Variants in SLC35F4 observed in about 807,000 individuals in gnomAD.
SLC35F4 encodes solute carrier family 35 member F4, also known as chromosome 14 open reading frame 36.
In SLC35F4, 24 loss-of-function variants were observed where a neutral mutation model predicts 44.2. That is an observed-to-expected ratio of 0.54 (90% CI 0.39 to 0.76). SLC35F4 has a LOEUF of 0.76. Ranked by LOEUF, SLC35F4 falls within the 30% of genes least tolerant of loss-of-function variation. SLC35F4 has a pLI of 0.00. For missense variants in SLC35F4, 562 were observed against 586.1 expected, an observed-to-expected ratio of 0.96 and a Z score of 0.42; for synonymous variants, 238 against 223.6, an observed-to-expected ratio of 1.06 and a Z score of -0.57.
At chr14:57,623,481 C>T (rs984456850) in intron 1 of SLC35F4, among the ~76,000 whole-genome samples, 5 of 152,308 alleles carry the variant, frequency 3.3e-5, no homozygotes, top group Non-Finnish European at 7.4e-5. Flanking sequence ...CTAGAGAACT[C>T]TCCACCCCAA....
chr14:57,582,589 A>G (rs1425583753), intron 3 of SLC35F4, among the ~76,000 whole-genome samples: 1 of 152,212 alleles, frequency 6.6e-6, no homozygotes, highest in African/African-American at 2.4e-5. Flanking sequence ...CTATACGACT[A>G]TGGACTGAAG....
intron 1 of SLC35F4, among the ~76,000 whole-genome samples, chr14:57,981,010 G>C (rs775409750): frequency 7.9e-5 from 12 of 152,248 alleles, no homozygotes; most frequent in African/African-American, 2.6e-4. Flanking sequence ...CACCTGGAAG[G>C]CTGTATGCAT....
chr14:57,619,858 G>A lies in SLC35F4; in HGVS notation c.104-25734C>T, dbSNP rs1292190138. ...CAGAGAAGAACACATATAACCTGAT[G>A]AAGCTGAAAAACACAGCACGAGAAT... On this transcript the variant is annotated intron_variant, in intron 1 of 7. Coordinates refer to ENST00000556826, the MANE Select transcript of SLC35F4 (RefSeq NM_001306087.2). 6.6e-5 allele frequency among the ~76,000 whole-genome samples: 10 copies of A among 152,050 alleles called. No individual in the cohort carries two copies. The East Asian group carries it at 1.9e-3, about 29-fold the overall frequency.
intron 1 of SLC35F4, among the ~76,000 whole-genome samples, chr14:57,937,631 A>T (rs1472812066): frequency 2.3e-5 from 3 of 132,036 alleles, no homozygotes; most frequent in African/African-American, 8.8e-5. Context: ...AAAAGAAAAG[A>T]AAAGAAAAGA....
At chr14:57,951,679 C>G (rs1188977017) in intron 1 of SLC35F4, among the ~76,000 whole-genome samples, 1 of 152,214 alleles carries the variant, frequency 6.6e-6, no homozygotes, top group African/African-American at 2.4e-5. Context: ...GAAGTTCAGA[C>G]TGGGCAGAGC....
At chr14:57,928,069 A>G (rs968242324) in intron 1 of SLC35F4, among the ~76,000 whole-genome samples, 8 of 151,420 alleles carry the variant, frequency 5.3e-5, no homozygotes, top group African/African-American at 1.7e-4. Flanking sequence ...AAAAAAAAAA[A>G]CCTGTGGACC....
At chr14:57,849,143 T>TA (rs973694627) in intron 1 of SLC35F4, among the ~76,000 whole-genome samples, 120 of 152,206 alleles carry the variant, frequency 7.9e-4, no homozygotes, top group African/African-American at 2.6e-3. Context: ...TATAAGCACA[T>TA]AAAAAAGAAT....
chr14:57,709,776 A>G (rs1364575799), intron 1 of SLC35F4, among the ~76,000 whole-genome samples: 1 of 152,176 alleles, frequency 6.6e-6, no homozygotes, highest in East Asian at 1.9e-4. Flanking sequence ...TGGTAGAAGA[A>G]ATTTCTAAGC....
intron 1 of SLC35F4, among the ~76,000 whole-genome samples, chr14:57,935,274 T>C (rs1889776266): frequency 6.6e-6 from 1 of 152,214 alleles, no homozygotes; most frequent in South Asian, 2.1e-4. Flanking sequence ...TTTCAACAGA[T>C]ACCCACTAAA....
chr14:57,880,752 C>T (rs1888518525), intron 1 of SLC35F4, among the ~76,000 whole-genome samples: 1 of 152,116 alleles, frequency 6.6e-6, no homozygotes, highest in Non-Finnish European at 1.5e-5. Context: ...GTGGTATTAC[C>T]TTGGTGTTTC....
intron 1 of SLC35F4, among the ~76,000 whole-genome samples, chr14:57,803,723 G>A (rs1260649180): frequency 6.6e-6 from 1 of 151,298 alleles, no homozygotes; most frequent in Non-Finnish European, 1.5e-5. Flanking sequence ...CTGAGTAGCT[G>A]GGATCACAGG....
chr14:57,758,637 G>A (rs1355535711), intron 1 of SLC35F4, among the ~76,000 whole-genome samples: 3 of 151,870 alleles, frequency 2.0e-5, no homozygotes, highest in African/African-American at 7.3e-5. Context: ...GTCTGTGTCA[G>A]TTTTCTTAAT....
chr14:57,565,475 C>T (rs2068160877), intron 7 of SLC35F4, among the ~76,000 whole-genome samples: 1 of 152,114 alleles, frequency 6.6e-6, no homozygotes, highest in South Asian at 2.1e-4. Context: ...CTTTTGTCTC[C>T]CTCTCAATGC....
intron 1 of SLC35F4, among the ~76,000 whole-genome samples, chr14:57,794,157 G>A (rs2077997455): frequency 6.6e-6 from 1 of 151,978 alleles, no homozygotes. Context: ...AGGCAAAGAA[G>A]TTATGACTAA....
chr14:57,662,940 CAG>C (rs1297359900), intron 1 of SLC35F4, among the ~76,000 whole-genome samples: 8 of 152,196 alleles, frequency 5.3e-5, no homozygotes, highest in African/African-American at 1.9e-4. Flanking sequence ...CTATGGTTGA[CAG>C]TGGTTGTGTT....
chr14:57,904,352 C>G (rs1889068341), intron 1 of SLC35F4, among the ~76,000 whole-genome samples: 1 of 152,176 alleles, frequency 6.6e-6, no homozygotes, highest in South Asian at 2.1e-4. Context: ...AAAATTTGGA[C>G]AGTTTTGTTA....
intron 1 of SLC35F4, among the ~76,000 whole-genome samples, chr14:57,852,223 T>A (rs966541310): frequency 6.6e-6 from 1 of 151,964 alleles, no homozygotes; most frequent in African/African-American, 2.4e-5. Context: ...CTCTCAGAGG[T>A]GGTGGCACTT....
chr14:57,702,500 C>G (rs969745704), intron 1 of SLC35F4, among the ~76,000 whole-genome samples: 1 of 152,132 alleles, frequency 6.6e-6, no homozygotes, highest in African/African-American at 2.4e-5. Flanking sequence ...ATCCATTTAA[C>G]TCTGGCATCT....
In SLC35F4 at chr14:57,635,955, T is replaced by G. The variant is rs544519152; in HGVS notation, c.104-41831A>C. Among the ~76,000 whole-genome samples the G allele has an allele frequency of 4.5e-4, 69 of 152,264 alleles. 2 individuals are homozygous for G. The Middle Eastern group carries it at 0.014, about 30-fold the overall frequency. On this transcript the variant is annotated intron_variant, in intron 1 of 7. Coordinates refer to ENST00000556826, the MANE Select transcript of SLC35F4 (RefSeq NM_001306087.2). Reference sequence around the variant, plus strand: ...AGAAATGGAGCCTTAACTCATAACTTCCTGGCTACACCAGGTGAAAGTTAA... The same window carrying G: ...AGAAATGGAGCCTTAACTCATAACTGCCTGGCTACACCAGGTGAAAGTTAA...
Sources: gnomAD v4.1 joint callset for allele counts (sites outside exome capture counted in the v4.1 genomes callset) on GRCh38, gnomAD v4.1.1 for gene constraint, MANE v1.5 for transcripts, NCBI Gene and HGNC (gene_info 2026-07-23, HGNC 2026-07-21) for gene names.